ATP6V0D1: variants seen among roughly 807,000 people sequenced by gnomAD.
ATP6V0D1 encodes the protein V-type proton ATPase subunit d 1.
Under a neutral mutation model 39.0 loss-of-function variants are expected in ATP6V0D1, and 13 were observed. That is an observed-to-expected ratio of 0.33 (90% CI 0.22 to 0.53). The LOEUF (loss-of-function observed/expected upper bound fraction) is 0.53, where lower values mean the gene tolerates loss of function less well. ATP6V0D1 is among the 20% of genes least tolerant of loss of function. The pLI, the probability that ATP6V0D1 is intolerant of heterozygous loss-of-function variation, is 0.94. For missense variants in ATP6V0D1, 272 were observed against 470.9 expected (o/e 0.58, Z 3.91); for synonymous variants, 191 against 191.2 (o/e 1.00, Z 0.01).
At chr16:67,460,766 C>T (rs2041283082) in intron 1 of ATP6V0D1, among the ~76,000 whole-genome samples, 1 of 152,144 alleles carries the variant, frequency 6.6e-6, no homozygotes, top group Non-Finnish European at 1.5e-5. Flanking sequence ...CAGGCCCACC[C>T]ATCACCCATC....
chr16:67,469,990 C>T (rs545960889), intron 1 of ATP6V0D1, among the ~76,000 whole-genome samples: 18 of 152,292 alleles, frequency 1.2e-4, no homozygotes, highest in South Asian at 4.1e-4. Context: ...AACTTTTCAC[C>T]TAACAACATA....
At chr16:67,461,106 G>A (rs1026640361) in intron 1 of ATP6V0D1, among the ~76,000 whole-genome samples, 1 of 152,194 alleles carries the variant, frequency 6.6e-6, no homozygotes, top group Admixed American at 6.5e-5. Context: ...CAGACACCAT[G>A]AGCCCAGCAG....
intron 1 of ATP6V0D1, among the ~76,000 whole-genome samples, chr16:67,466,378 A>ACACACAC (rs1429363816): frequency 7.4e-6 from 1 of 134,388 alleles, no homozygotes; most frequent in African/African-American, 2.8e-5. Flanking sequence ...CACACACACA[A>ACACACAC]AATTAGCCAG....
chr16:67,444,781 G>T lies in ATP6V0D1; in HGVS notation c.303-75C>A. On this transcript the variant is annotated intron_variant, in intron 2 of 7. Transcript: ENST00000290949. The surrounding 1 kb of genome is among the most constrained non-coding windows in gnomAD (Gnocchi z 4.8). Reference sequence around the variant, plus strand: ...AGTCCTGGCATAGCACCATGCCCTCGCCCGCCTGCACAGGCCATCACCCCT... The same window carrying T: ...AGTCCTGGCATAGCACCATGCCCTCTCCCGCCTGCACAGGCCATCACCCCT... 1 of 1,374,388 alleles carries T rather than the reference G, an allele frequency of 7.3e-7. No individual in the cohort carries two copies. The highest frequency in any genetic ancestry group is 1.4e-5 in the African/African-American group (1 of 69,614). 85.1% of individuals were successfully genotyped at this position (1,374,388 alleles called of 1,614,324 possible). A position where few individuals can be genotyped will look rare whatever the true frequency, so the allele number is the denominator to read the frequency against.
chr16:67,475,108 C>T (rs932492933), intron 1 of ATP6V0D1, among the ~76,000 whole-genome samples: 3 of 152,226 alleles, frequency 2.0e-5, no homozygotes, highest in Admixed American at 2.0e-4. Flanking sequence ...TTGCAGGTAT[C>T]CTGTTAAAGT....
chr16:67,467,608 A>G (rs1233358275), intron 1 of ATP6V0D1, among the ~76,000 whole-genome samples: 1 of 152,064 alleles, frequency 6.6e-6, no homozygotes, highest in African/African-American at 2.4e-5. Context: ...CGAGTAAGTG[A>G]TTTCTGTTTC....
chr16:67,465,917 G>T (rs1421526466), intron 1 of ATP6V0D1, among the ~76,000 whole-genome samples: 1 of 152,176 alleles, frequency 6.6e-6, no homozygotes, highest in Non-Finnish European at 1.5e-5. Context: ...AGAGAGCCTG[G>T]ATGACTCACG....
chr16:67,475,411 C>T (rs2041406769), intron 1 of ATP6V0D1, among the ~76,000 whole-genome samples: 2 of 152,172 alleles, frequency 1.3e-5, no homozygotes, highest in African/African-American at 4.8e-5. Flanking sequence ...GGACAGAAGA[C>T]AAATCAATCA....
intron 2 of ATP6V0D1, among the ~76,000 whole-genome samples, chr16:67,450,090 G>A: frequency 6.6e-6 from 1 of 152,184 alleles, no homozygotes; most frequent in East Asian, 1.9e-4. Context: ...GTTCCCTCAG[G>A]TCTTCACACC....
chr16:67,443,274 A>C, intron 3 of ATP6V0D1, 96 bp from the exon 4 acceptor site: 1 of 1,288,302 alleles, frequency 7.8e-7, no homozygotes, highest in Non-Finnish European at 1.1e-6. Flanking sequence ...CCGTGCCACA[A>C]GGCCCACAGG....
At position 67,444,826 on chromosome 16, in the gene ATP6V0D1, A is replaced by T. The variant is rs1395007736; in HGVS notation, c.303-120T>A. 7.4e-6 allele frequency: 7 copies of T among 939,954 alleles called. No homozygotes were observed. Among genetic ancestry groups the T allele is most frequent in the Non-Finnish European group, 9.2e-6 (6 of 654,572 alleles). The allele number at this position is 939,954 out of a possible 1,614,324, so 58.2% of individuals were successfully genotyped here. Reference sequence around the variant, plus strand: ...ACCCCTTAACAATGTATGCTGACTCATGGGTGCTGCGGATAAGCACCAGTG... The same window carrying T: ...ACCCCTTAACAATGTATGCTGACTCTTGGGTGCTGCGGATAAGCACCAGTG... On this transcript the variant is annotated intron_variant, in intron 2 of 7. Coordinates refer to ENST00000290949, the MANE Select transcript of ATP6V0D1 (RefSeq NM_004691.5). The surrounding 1 kb of genome is among the most constrained non-coding windows in gnomAD (Gnocchi z 4.8).
At chr16:67,458,339 A>C (rs2041259534) in intron 1 of ATP6V0D1, among the ~76,000 whole-genome samples, 1 of 152,164 alleles carries the variant, frequency 6.6e-6, no homozygotes, top group South Asian at 2.1e-4. Context: ...AGAGGCCTGG[A>C]ACTTGTTGAG....
intron 1 of ATP6V0D1, among the ~76,000 whole-genome samples, chr16:67,454,332 G>C (rs774827270): frequency 6.6e-6 from 1 of 152,206 alleles, no homozygotes; most frequent in Non-Finnish European, 1.5e-5. Flanking sequence ...AGTGGCATGC[G>C]GGGGAGGTGA....
Position 67,447,130 on chromosome 16 carries a change from G to A in ATP6V0D1, c.303-2424C>T, listed in dbSNP as rs545648157. ...CCACTCAGGGCATCTGTTTATGTGG[G>A]GGAAATGCTGAGCCTAGTAAGGGCC... On this transcript the variant is annotated intron_variant, in intron 2 of 7. Transcript: ENST00000290949. The surrounding 1 kb of genome is among the most constrained non-coding windows in gnomAD (Gnocchi z 4.1). Among the ~76,000 whole-genome samples, 1 of 152,298 alleles carries A rather than the reference G, an allele frequency of 6.6e-6. No homozygotes were observed. The highest frequency in any genetic ancestry group is 2.1e-4 in the South Asian group (1 of 4,830).
At position 67,438,649 on chromosome 16, in the gene ATP6V0D1, A is replaced by G. The variant is rs372633318; in HGVS notation, c.935T>C (p.Phe312Ser). 4 of 1,614,090 alleles carry G rather than the reference A, an allele frequency of 2.5e-6. No homozygotes were observed. Among genetic ancestry groups the G allele is most frequent in the Non-Finnish European group, 2.5e-6 (3 of 1,180,044 alleles). ...NKLAFLNQFHFGVFYAFVKLK... is the reference protein window; with the variant it reads ...NKLAFLNQFHSGVFYAFVKLK... ...CTTCACGAAGGCATAGAAGACACCA[A>G]AGTGGAACTGGTTCAGGAAGGCCAA... is the stretch of plus-strand genomic sequence containing the variant. Residue 312 changes from phenylalanine (F) to serine (S), a missense_variant, in exon 8 of 8, where the codon TTT becomes TCT. Around this residue, in one of 4 missense-constraint regions of ATP6V0D1, gnomAD observed 35 missense variants for 84.6 expected, o/e 0.41. Coordinates refer to ENST00000290949, the MANE Select transcript of ATP6V0D1 (RefSeq NM_004691.5).
chr16:67,459,104 C>G (rs1567539255), intron 1 of ATP6V0D1: 1 of 985,538 alleles, frequency 1.0e-6, no homozygotes, highest in Admixed American at 6.1e-5. Flanking sequence ...TTACCTCAGC[C>G]CTTGACTGGT....
chr16:67,470,812 G>C (rs1321581443), intron 1 of ATP6V0D1, among the ~76,000 whole-genome samples: 2 of 150,714 alleles, frequency 1.3e-5, no homozygotes, highest in Non-Finnish European at 2.9e-5. Context: ...CATCCACCCA[G>C]TCATTTATTA....
intron 3 of ATP6V0D1, chr16:67,443,526 G>A: frequency 4.1e-6 from 1 of 243,886 alleles, no homozygotes; most frequent in Non-Finnish European, 8.1e-6. Flanking sequence ...GGCAGCTGTG[G>A]ATTCGGGGCC....
chr16:67,462,385 G>A (rs2041295523), intron 1 of ATP6V0D1, among the ~76,000 whole-genome samples: 1 of 152,246 alleles, frequency 6.6e-6, no homozygotes, highest in Non-Finnish European at 1.5e-5. Context: ...GCAGGTTGGG[G>A]TGGATCTGGA....
Sources: gnomAD v4.1 joint callset for allele counts (sites outside exome capture counted in the v4.1 genomes callset) on GRCh38, gnomAD v4.1.1 for gene constraint, gnomAD v4.1.1 regional missense constraint, Gnocchi (gnomAD v3.1) non-coding constraint, MANE v1.5 for transcripts, NCBI Gene and HGNC (gene_info 2026-07-23, HGNC 2026-07-21) for gene names.